The following TANC2 variants were observed in gnomAD, a reference collection of about 807,000 sequenced individuals.
TANC2 encodes tetratricopeptide repeat, ankyrin repeat and coiled-coil containing 2, also known as protein TANC2.
In TANC2, 26 loss-of-function variants were observed where a neutral mutation model predicts 210.5. That is an observed-to-expected ratio of 0.12 (90% CI 0.09 to 0.17). TANC2 has a LOEUF of 0.17. TANC2 is among the 10% of genes least tolerant of loss of function. The pLI is 1.00. For synonymous variants in TANC2, 931 were observed against 967.1 expected (o/e 0.96, Z 0.69); for missense variants, 2,129 against 2,608.9 (o/e 0.82, Z 4.01).
chr17:63,099,100 T>A, intron 3 of TANC2, 75 bp from the exon 4 acceptor site: 2 of 1,372,302 alleles, frequency 1.5e-6, no homozygotes, highest in Non-Finnish European at 2.0e-6. Context: ...TTCTGGATTA[T>A]CCTATAAGAT....
At chr17:63,314,177 T>C (rs1191714281) in intron 9 of TANC2, among the ~76,000 whole-genome samples, 1 of 152,242 alleles carries the variant, frequency 6.6e-6, no homozygotes, top group East Asian at 1.9e-4. Context: ...TCAGTGTTTG[T>C]GTTCTGCAAT....
At position 63,091,160 on chromosome 17, in the gene TANC2, T is replaced by A. The variant is rs552722446; in HGVS notation, c.140-8015T>A. On this transcript the variant is annotated intron_variant, in intron 3 of 27. Transcript: ENST00000689528. ...AAAAATTTTCTCCCATTCTGTAGGTTGCCTGTTCACTCTGATAGTGGTTTC... is the reference window on the plus strand; with the variant it reads ...AAAAATTTTCTCCCATTCTGTAGGTAGCCTGTTCACTCTGATAGTGGTTTC... 9.7e-4 allele frequency among the ~76,000 whole-genome samples: 131 copies of A among 135,014 alleles called. 2 individuals carry two copies. The highest frequency in any genetic ancestry group is 3.5e-3 in the African/African-American group (124 of 35,328). The allele number at this position is 135,014 out of a possible 152,430, so 88.6% of individuals were successfully genotyped here.
intron 4 of TANC2, among the ~76,000 whole-genome samples, chr17:63,127,120 A>G (rs898931993): frequency 1.3e-5 from 2 of 152,110 alleles, no homozygotes; most frequent in African/African-American, 4.8e-5. Flanking sequence ...TTTTCTTGTT[A>G]TTACCGCTGG....
chr17:63,331,846 G>GTGTGTC (rs1286027203), intron 11 of TANC2: 5 of 161,696 alleles, frequency 3.1e-5, no homozygotes, highest in African/African-American at 1.4e-4. Flanking sequence ...GTGTGTGTGT[G>GTGTGTC]TGTGTGTGTC....
Position 63,202,654 on chromosome 17 carries a change from A to G in TANC2, c.769+1697A>G, listed in dbSNP as rs1376868850. ...ATTTATACATAGGTAGACAAAAGTG[A>G]TTATGTTTTTTCCTCTATCGCTCTG... On this transcript the variant is annotated intron_variant, in intron 7 of 27. Transcript: ENST00000689528. Among the ~76,000 whole-genome samples the G allele has an allele frequency of 2.0e-5, 3 of 152,054 alleles. 1 individual carries two copies. In the South Asian group the frequency reaches 6.2e-4, roughly 32 times the overall value.
intron 2 of TANC2, among the ~76,000 whole-genome samples, chr17:63,021,883 A>C (rs933073636): frequency 6.6e-6 from 1 of 152,204 alleles, no homozygotes; most frequent in Non-Finnish European, 1.5e-5. Flanking sequence ...TCATGAGCAG[A>C]ATATTGATAG....
intron 4 of TANC2, among the ~76,000 whole-genome samples, chr17:63,124,665 A>G (rs774512679): frequency 2.6e-5 from 4 of 152,174 alleles, no homozygotes; most frequent in African/African-American, 4.8e-5. Flanking sequence ...GGGATCCCCA[A>G]CGCTCAGGCT....
In TANC2 at chr17:63,389,293, T is replaced by C; in HGVS notation, c.2815-15T>C. 6.3e-7 allele frequency: 1 copy of C among 1,596,930 alleles called. No homozygotes were observed. The highest frequency in any genetic ancestry group is 1.3e-5 in the African/African-American group (1 of 74,568). ...CCTGTTTGTCTAATTATTAGTTCTG[T>C]TTGTTTATTTCTAGGTCAGCCGACT... On this transcript the variant is annotated splice_polypyrimidine_tract_variant and intron_variant, in intron 16 of 27. Coordinates refer to ENST00000689528, the Ensembl canonical transcript of TANC2.
In TANC2 at chr17:63,024,944, G is replaced by A. The variant is rs140344586; in HGVS notation, c.67+15318G>A. On this transcript the variant is annotated intron_variant, in intron 2 of 27. Transcript: ENST00000689528. ...TTAAGTTGCTAAGGATTATACCAGA[G>A]CAACAAGTAGCCAAAAATTTGGTGG... 3.4e-4 allele frequency among the ~76,000 whole-genome samples: 52 copies of A among 152,288 alleles called. No individual in the cohort carries two copies. In the Middle Eastern group the frequency reaches 0.027, roughly 80 times the overall value.
chr17:63,253,417 C>G (rs867202862), intron 8 of TANC2, among the ~76,000 whole-genome samples: 1 of 152,074 alleles, frequency 6.6e-6, no homozygotes, highest in Non-Finnish European at 1.5e-5. Context: ...TGATTGTTTC[C>G]TCCCTTGTAC....
chr17:63,091,948 C>G lies in TANC2; in HGVS notation c.140-7227C>G, dbSNP rs548517442. Among the ~76,000 whole-genome samples, 245 of 152,134 alleles carry G rather than the reference C, an allele frequency of 1.6e-3. 1 individual carries two copies. Among genetic ancestry groups the G allele is most frequent in the African/African-American group, 5.7e-3 (238 of 41,496 alleles). ...TTCATATCCCTTGTAAGTTGGATTC[C>G]TAGGTATTTTATTCTCTTTGTAGCA... On this transcript the variant is annotated intron_variant, in intron 3 of 27. Coordinates refer to ENST00000689528, the Ensembl canonical transcript of TANC2.
intron 8 of TANC2, among the ~76,000 whole-genome samples, chr17:63,250,225 G>A (rs548241940): frequency 1.7e-4 from 26 of 151,876 alleles, no homozygotes; most frequent in African/African-American, 6.3e-4. Flanking sequence ...CCATTCATCT[G>A]AACTCACCTG....
In TANC2 at chr17:63,134,625, A is replaced by G. The variant is rs75299262; in HGVS notation, c.323-16645A>G. Among the ~76,000 whole-genome samples the G allele has an allele frequency of 2.6e-5, 4 of 152,276 alleles. No individual in the cohort carries two copies. The East Asian group carries it at 5.8e-4, about 22-fold the overall frequency. On this transcript the variant is annotated intron_variant, in intron 4 of 27. Coordinates refer to ENST00000689528, the Ensembl canonical transcript of TANC2. ...TACTAATTATTTTTTAGTCTTATCT[A>G]TATTTTACCCTATAAATTTAATTAT...
At chr17:63,283,317 C>G (rs952437840) in intron 9 of TANC2, among the ~76,000 whole-genome samples, 1 of 151,910 alleles carries the variant, frequency 6.6e-6, no homozygotes, top group Non-Finnish European at 1.5e-5. Context: ...TTTCACTTAT[C>G]TAATAATATT....
At chr17:63,033,021 G>C (rs2034834034) in intron 2 of TANC2, among the ~76,000 whole-genome samples, 1 of 152,142 alleles carries the variant, frequency 6.6e-6, no homozygotes, top group South Asian at 2.1e-4. Flanking sequence ...ACATTTGCCA[G>C]TTTATTATAA....
At chr17:63,393,878 C>G (rs1202876871) in intron 17 of TANC2, among the ~76,000 whole-genome samples, 1 of 151,850 alleles carries the variant, frequency 6.6e-6, no homozygotes, top group African/African-American at 2.4e-5. Context: ...TCAAGTGATT[C>G]TCCTGCCTCA....
chr17:63,039,486 G>A (rs2035099335), intron 2 of TANC2, among the ~76,000 whole-genome samples: 1 of 152,124 alleles, frequency 6.6e-6, no homozygotes, highest in African/African-American at 2.4e-5. Context: ...GGCACCTGTG[G>A]GTTTGAGTGC....
At chr17:63,015,514 G>T (rs2034068530) in intron 2 of TANC2, among the ~76,000 whole-genome samples, 1 of 151,502 alleles carries the variant, frequency 6.6e-6, no homozygotes, top group African/African-American at 2.4e-5. Flanking sequence ...TCCCCTTCCT[G>T]TGTCCATGTG....
chr17:63,286,641 A>G (rs1358503939), intron 9 of TANC2, among the ~76,000 whole-genome samples: 1 of 152,156 alleles, frequency 6.6e-6, no homozygotes, highest in Non-Finnish European at 1.5e-5. Flanking sequence ...CAGTGGGCTT[A>G]TAGTTTTCTT....
Sources: gnomAD v4.1 joint callset for allele counts (sites outside exome capture counted in the v4.1 genomes callset) on GRCh38, gnomAD v4.1.1 for gene constraint, MANE v1.5 for transcripts, NCBI Gene and HGNC (gene_info 2026-07-23, HGNC 2026-07-21) for gene names.